The following PCGF5 variants were observed in gnomAD, a reference collection of about 807,000 sequenced individuals.
PCGF5 encodes polycomb group RING finger protein 5.
PCGF5 carries 9 observed loss-of-function variants against 44.3 expected under a neutral mutation model. That is an observed-to-expected ratio of 0.20 (90% CI 0.12 to 0.35). The LOEUF (loss-of-function observed/expected upper bound fraction) is 0.35. Among genes scored for constraint, PCGF5 ranks in the 10% least tolerant of loss-of-function variants. The probability of loss-of-function intolerance (pLI) is 1.00; values close to 1 mark genes in which losing one functional copy is unlikely to be tolerated. For missense variants in PCGF5, 146 were observed against 305.3 expected, an observed-to-expected ratio of 0.48 and a Z score of 3.89; for synonymous variants, 95 against 102.5, an observed-to-expected ratio of 0.93 and a Z score of 0.44.
intron 2 of PCGF5, chr10:91,227,991 CA>C: frequency 1.1e-6 from 1 of 909,510 alleles, no homozygotes; most frequent in Non-Finnish European, 1.3e-6. Context: ...TTCAAAGATT[CA>C]AATGCAGTGA....
chr10:91,182,999 G>T (rs190457202), intron 1 of PCGF5, among the ~76,000 whole-genome samples: 1 of 152,084 alleles, frequency 6.6e-6, no homozygotes, highest in Non-Finnish European at 1.5e-5. Flanking sequence ...TACTATTTCA[G>T]TTCTTTTGCT....
intron 2 of PCGF5, among the ~76,000 whole-genome samples, chr10:91,224,859 A>G (rs531923793): frequency 6.6e-6 from 1 of 152,256 alleles, no homozygotes; most frequent in East Asian, 1.9e-4. Flanking sequence ...GGAAGAACCA[A>G]TTGGCTACCC....
chr10:91,208,639 A>T (rs1219307234), intron 1 of PCGF5, among the ~76,000 whole-genome samples: 1 of 152,180 alleles, frequency 6.6e-6, no homozygotes. Context: ...CTTGGAAAAT[A>T]TATGAACTCT....
chr10:91,216,953 A>C (rs1286868599), upstream of PCGF5, among the ~76,000 whole-genome samples: 1 of 152,336 alleles, frequency 6.6e-6, no homozygotes, highest in East Asian at 1.9e-4. Context: ...TATATTACAG[A>C]GAGTAGTTTA....
chr10:91,258,557 G>C (rs963881603), intron 6 of PCGF5, among the ~76,000 whole-genome samples: 1 of 152,068 alleles, frequency 6.6e-6, no homozygotes, highest in Admixed American at 6.6e-5. Flanking sequence ...ATTCTTCTCT[G>C]ACTTAACTGG....
chr10:91,156,980 TTTGAATC>T, the PCGF5 span, among the ~76,000 whole-genome samples: 1 of 152,204 alleles, frequency 6.6e-6, no homozygotes, highest in Non-Finnish European at 1.5e-5. Flanking sequence ...ACTGCCCAGT[TTTGAATC>T]CTGGTTTAGC....
chr10:91,281,947 G>A lies in PCGF5; in HGVS notation c.*3631G>A. 6.6e-6 allele frequency: 1 copy of A among 152,276 alleles called. No homozygotes were observed. The highest frequency in any genetic ancestry group is 3.4e-3 in the Middle Eastern group (1 of 294). 9.4% of individuals were successfully genotyped at this position (152,276 alleles called of 1,614,324 possible). ...GTGAGAGAAATACATACTTTGAAAA[G>A]AAAGTTCAGATTTTTAATTTGAGAG... On this transcript the variant is annotated 3_prime_UTR_variant, in exon 10 of 10. Transcript: ENST00000336126.
chr10:91,254,203 C>CGT (rs148669111), intron 6 of PCGF5, among the ~76,000 whole-genome samples: 40,192 of 147,874 alleles, frequency 0.27, 5,450 homozygotes, highest in Non-Finnish European at 0.31. Context: ...CCCTCCACCT[C>CGT]GTGTGTGTGT....
chr10:91,235,895 C>T (rs1204979455), intron 2 of PCGF5, among the ~76,000 whole-genome samples: 1 of 152,100 alleles, frequency 6.6e-6, no homozygotes, highest in Non-Finnish European at 1.5e-5. Context: ...GTGAATTGCA[C>T]AGTCTCAGGT....
chr10:91,209,378 G>A (rs1844406496), intron 1 of PCGF5, among the ~76,000 whole-genome samples: 1 of 152,164 alleles, frequency 6.6e-6, no homozygotes, highest in South Asian at 2.1e-4. Flanking sequence ...GGAGGCTAAG[G>A]TAGGAGGATC....
At chr10:91,180,168 G>A (rs1477875625) in intron 1 of PCGF5, among the ~76,000 whole-genome samples, 2 of 152,000 alleles carry the variant, frequency 1.3e-5, no homozygotes, top group African/African-American at 4.8e-5. Context: ...GTCTGTTCAT[G>A]TTCTTTGCCC....
Position 91,282,293 on chromosome 10 carries a change from G to T in PCGF5, c.*3977G>T, listed in dbSNP as rs932730524. 7 of 152,120 alleles carry T rather than the reference G, an allele frequency of 4.6e-5. No individual in the cohort carries two copies. Among genetic ancestry groups the T allele is most frequent in the African/African-American group, 1.7e-4 (7 of 41,384 alleles). 9.4% of individuals were successfully genotyped at this position (152,120 alleles called of 1,614,324 possible). A position where few individuals can be genotyped will look rare whatever the true frequency, so the allele number is the denominator to read the frequency against. On this transcript the variant is annotated 3_prime_UTR_variant, in exon 10 of 10. Coordinates refer to ENST00000336126, the MANE Select transcript of PCGF5 (RefSeq NM_032373.5). The stretch of plus-strand genomic sequence containing the variant: ...TGAGGTCAGGAGTTCGAGACCAGCT[G>T]GTTAACATGGTGAAACCCCATCTCT...
intron 2 of PCGF5, among the ~76,000 whole-genome samples, chr10:91,232,363 TAAAG>T (rs745753598): frequency 2.0e-5 from 3 of 151,914 alleles, no homozygotes; most frequent in Non-Finnish European, 2.9e-5. Flanking sequence ...CTTAATAAAG[TAAAG>T]AAAAGGTGAA....
rs906131205 is a variant in PCGF5 at position 91,283,152 on chromosome 10, T to A, written c.*4836T>A. ...ATAGTTTTTATTGCAGTGATGTTTT[T>A]CCAATAATTTAAGTAATTCTCTTCC... On this transcript the variant is annotated 3_prime_UTR_variant, in exon 10 of 10. Transcript: ENST00000336126. 2 of 152,244 alleles carry A rather than the reference T, an allele frequency of 1.3e-5. No individual in the cohort carries two copies. The highest frequency in any genetic ancestry group is 4.8e-5 in the African/African-American group (2 of 41,474). The allele number at this position is 152,244 out of a possible 1,614,324, so 9.4% of individuals were successfully genotyped here. A position where few individuals can be genotyped will look rare whatever the true frequency, so the allele number is the denominator to read the frequency against.
At chr10:91,203,374 C>T (rs1183311761) in intron 1 of PCGF5, among the ~76,000 whole-genome samples, 1 of 152,052 alleles carries the variant, frequency 6.6e-6, no homozygotes, top group Admixed American at 6.5e-5. Context: ...TATTAGGATC[C>T]AGATTCTATG....
chr10:91,243,780 A>G (rs181581645), intron 3 of PCGF5, among the ~76,000 whole-genome samples: 5 of 152,348 alleles, frequency 3.3e-5, no homozygotes, highest in African/African-American at 1.2e-4. Context: ...ATTATTAAAG[A>G]TATTTTAATA....
At chr10:91,163,739 C>A (rs1843439916) in intron 1 of PCGF5, among the ~76,000 whole-genome samples, 1 of 152,030 alleles carries the variant, frequency 6.6e-6, no homozygotes, top group Non-Finnish European at 1.5e-5. Context: ...CGGTGGCCTT[C>A]CGCGAGTGGC....
intron 8 of PCGF5, among the ~76,000 whole-genome samples, chr10:91,267,637 A>G (rs1348868892): frequency 1.3e-5 from 2 of 152,184 alleles, no homozygotes; most frequent in African/African-American, 4.8e-5. Flanking sequence ...TTCAACTTCC[A>G]ATTACAAATT....
chr10:91,282,143 T>C lies in PCGF5; in HGVS notation c.*3827T>C, dbSNP rs1221718426. 1 of 152,370 alleles carries C rather than the reference T, an allele frequency of 6.6e-6. No homozygotes were observed. Among genetic ancestry groups the C allele is most frequent in the Admixed American group, 6.5e-5 (1 of 15,302 alleles). The allele number at this position is 152,370 out of a possible 1,614,324, so 9.4% of individuals were successfully genotyped here. A position where few individuals can be genotyped will look rare whatever the true frequency, so the allele number is the denominator to read the frequency against. On this transcript the variant is annotated 3_prime_UTR_variant, in exon 10 of 10. Coordinates refer to ENST00000336126, the MANE Select transcript of PCGF5 (RefSeq NM_032373.5). ...GGGATTTATATAAGTAAGTGCTTTC[T>C]CTATATTCAAAATATTTCATAAGGA...
Sources: gnomAD v4.1 joint callset for allele counts (sites outside exome capture counted in the v4.1 genomes callset) on GRCh38, gnomAD v4.1.1 for gene constraint, MANE v1.5 for transcripts, NCBI Gene and HGNC (gene_info 2026-07-23, HGNC 2026-07-21) for gene names.